Variants in PLCD4 observed in about 807,000 individuals in gnomAD.
The protein encoded by PLCD4 is 1-phosphatidylinositol 4,5-bisphosphate phosphodiesterase delta-4.
In PLCD4, 63 loss-of-function variants were observed where a neutral mutation model predicts 90.2. The ratio of observed to expected loss-of-function variants is 0.70; its 90% CI spans 0.57 to 0.86. The LOEUF is 0.86. Ranked by LOEUF, PLCD4 falls within the 40% of genes least tolerant of loss-of-function variation. The probability of loss-of-function intolerance (pLI) is 0.00; values close to 1 mark genes in which losing one functional copy is unlikely to be tolerated. For synonymous variants in PLCD4, 294 were observed against 356.5 expected (o/e 0.82, Z 1.97); for missense variants, 830 against 956.3 (o/e 0.87, Z 1.74).
At chr2:218,629,436 T>G in intron 7 of PLCD4, 83 bp from the exon 8 acceptor site, 1 of 1,505,662 alleles carries the variant, frequency 6.6e-7, no homozygotes, top group Non-Finnish European at 9.0e-7. Context: ...TGAGCACTGT[T>G]CTCTCCAGAG....
chr2:218,629,029 A>G (rs553503121), intron 7 of PLCD4: 1 of 155,746 alleles, frequency 6.4e-6, no homozygotes, highest in Admixed American at 6.2e-5. Flanking sequence ...CAGGCTGGGC[A>G]ACATAGTGAG....
Position 218,636,535 on chromosome 2 carries a change from G to A in PLCD4, c.2247G>A (p.Val749=). The change falls in exon 16 of 16, where the codon GTG becomes GTA. Residue 749 remains valine (V), a synonymous_variant. Coordinates refer to ENST00000450993, the MANE Select transcript of PLCD4 (RefSeq NM_032726.4). ...GCCTCCGCCCAGCTTCCATCTTTGTGTATATCTGCATCCAGGAAGGCCTGG... is the reference window on the plus strand; with the variant it reads ...GCCTCCGCCCAGCTTCCATCTTTGTATATATCTGCATCCAGGAAGGCCTGG... ...GISLRPASIF[V]YICIQEGLEG... is the part of the protein sequence containing the mutation. The A allele has an allele frequency of 1.2e-6, 2 of 1,613,964 alleles. No individual in the cohort carries two copies. The highest frequency in any genetic ancestry group is 2.2e-5 in the South Asian group (2 of 91,086).
In PLCD4 at chr2:218,628,073, C is replaced by T; in HGVS notation, c.817C>T (p.Leu273Phe). Residue 273 changes from leucine (L) to phenylalanine (F), a missense_variant, in exon 7 of 16, where the codon CTC becomes TTC. By Grantham distance (22) the Leu-to-Phe change is conservative. Transcript: ENST00000450993. Reference sequence around the variant, plus strand: ...GAGTATGGATGGCTTCCTCAGCTACCTCTGCTCTAAGGATGGAGACATCTT... The same window carrying T: ...GAGTATGGATGGCTTCCTCAGCTACTTCTGCTCTAAGGATGGAGACATCTT... ...VLSMDGFLSY[L>F]CSKDGDIFNP... is the part of the protein sequence containing the mutation. The T allele has an allele frequency of 6.2e-7, 1 of 1,614,000 alleles. No homozygotes were observed. Among genetic ancestry groups the T allele is most frequent in the Non-Finnish European group, 8.5e-7 (1 of 1,179,882 alleles).
rs201208060 is a variant in PLCD4, at chr2:218,635,870, G to A, written c.1971G>A (p.Val657=). 6.8e-5 allele frequency: 109 copies of A among 1,614,002 alleles called. 2 individuals carry two copies. The East Asian group carries it at 1.1e-3, about 16-fold the overall frequency. The change falls in exon 14 of 16, where the codon GTG becomes GTA. Residue 657 remains valine, a synonymous_variant. Coordinates refer to ENST00000450993, the MANE Select transcript of PLCD4 (RefSeq NM_032726.4). ...CCATTGTGGATCCACTGGTGAAAGT[G>A]CAGATCTTTGGCGTTCGTCTAGACA... is the stretch of plus-strand genomic sequence containing the variant. The part of the protein sequence containing the change: ...EGSIVDPLVK[V]QIFGVRLDTA...
intron 1 of PLCD4, among the ~76,000 whole-genome samples, chr2:218,612,783 A>C (rs963207170): frequency 1.3e-5 from 2 of 152,118 alleles, no homozygotes; most frequent in African/African-American, 2.4e-5. Flanking sequence ...AAACAAAAAA[A>C]AAGAAAGTCT....
At position 218,634,294 on chromosome 2, in the gene PLCD4, T is replaced by C; in HGVS notation, c.1723+73T>C. 6.4e-7 allele frequency: 1 copy of C among 1,573,294 alleles called. No individual in the cohort carries two copies. Among genetic ancestry groups the C allele is most frequent in the Non-Finnish European group, 8.6e-7 (1 of 1,159,532 alleles). ...TGGGAAATAAGTTCTCTAGTGATGG[T>C]AGGGTTGGGGAATGCTCAAGAAAAT... On this transcript the variant is annotated intron_variant, in intron 12 of 15. Coordinates refer to ENST00000450993, the MANE Select transcript of PLCD4 (RefSeq NM_032726.4). The surrounding 1 kb of genome is among the most constrained non-coding windows in gnomAD (Gnocchi z 4.0).
At chr2:218,608,536 T>G (rs565307233) in intron 1 of PLCD4, among the ~76,000 whole-genome samples, 2 of 152,246 alleles carry the variant, frequency 1.3e-5, no homozygotes, top group South Asian at 2.1e-4. Context: ...CTTTGCCTAT[T>G]CCATGGGCCA....
At chr2:218,626,467 C>T (rs186467693) in intron 6 of PLCD4, among the ~76,000 whole-genome samples, 1 of 152,272 alleles carries the variant, frequency 6.6e-6, no homozygotes, top group Non-Finnish European at 1.5e-5. Flanking sequence ...GGCCTGGGTT[C>T]AAATCCCAGC....
rs373871812 is a variant in PLCD4, at chr2:218,634,444, C to T, written c.1724-14C>T. The T allele has an allele frequency of 5.2e-5, 84 of 1,607,646 alleles. No homozygotes were observed. The highest frequency in any genetic ancestry group is 6.9e-5 in the Non-Finnish European group (81 of 1,177,080). On this transcript the variant is annotated splice_polypyrimidine_tract_variant and intron_variant, in intron 12 of 15. Coordinates refer to ENST00000450993, the MANE Select transcript of PLCD4 (RefSeq NM_032726.4). The surrounding 1 kb of genome is among the most constrained non-coding windows in gnomAD (Gnocchi z 4.0). ...ATGGTGAATCTTGCTCTTCTTTTCT[C>T]CTGGGGCCCTCAGTGGCCATGAATA...
intron 13 of PLCD4, among the ~76,000 whole-genome samples, chr2:218,635,161 A>C (rs1410057767): frequency 1.3e-5 from 2 of 152,036 alleles, no homozygotes; most frequent in East Asian, 3.9e-4. Context: ...CTGGCTACTC[A>C]GGAGGCTAAG....
intron 3 of PLCD4, among the ~76,000 whole-genome samples, chr2:218,616,927 TAG>T (rs71266346): frequency 2.3e-3 from 31 of 13,720 alleles, no homozygotes; most frequent in African/African-American, 4.3e-3. Flanking sequence ...TATATATATA[TAG>T]AGAGAGAGAG....
At chr2:218,624,905 G>A (rs1269630828) in intron 6 of PLCD4, among the ~76,000 whole-genome samples, 2 of 151,862 alleles carry the variant, frequency 1.3e-5, no homozygotes, top group African/African-American at 4.8e-5. Flanking sequence ...GAGGTCAGGA[G>A]TTTGAGAACA....
intron 1 of PLCD4, among the ~76,000 whole-genome samples, chr2:218,610,628 A>G (rs1353897525): frequency 6.6e-6 from 1 of 152,192 alleles, no homozygotes; most frequent in Non-Finnish European, 1.5e-5. Flanking sequence ...TCCCTTATTG[A>G]TTCCTAGCCT....
chr2:218,630,721 T>C lies in PLCD4; in HGVS notation c.1191T>C (p.Arg397=). Residue 397 remains arginine (R), a synonymous_variant, in exon 9 of 16, where the codon CGT becomes CGC. Coordinates refer to ENST00000450993, the MANE Select transcript of PLCD4 (RefSeq NM_032726.4). The part of the protein sequence containing the change: ...CSWEQQQTMA[R]HLTEILGEQL... ...GGGAGCAGCAGCAGACCATGGCCCG[T>C]CATCTGACTGAGATCCTGGGGGAGC... 6.2e-7 allele frequency: 1 copy of C among 1,613,974 alleles called. No homozygotes were observed.
At position 218,615,900 on chromosome 2, in the gene PLCD4, C is replaced by T. The variant is rs761868167; in HGVS notation, c.23-4C>T. On this transcript the variant is annotated splice_region_variant and splice_polypyrimidine_tract_variant and intron_variant, in intron 2 of 15. Transcript: ENST00000450993. Reference sequence around the variant, plus strand: ...CTACCTAACCCCTGCTTTTCCTGACCTAGAGCTGACCACTGATCAGGACTT... The same window carrying T: ...CTACCTAACCCCTGCTTTTCCTGACTTAGAGCTGACCACTGATCAGGACTT... 8 of 1,613,992 alleles carry T rather than the reference C, an allele frequency of 5.0e-6. No homozygotes were observed. The highest frequency in any genetic ancestry group is 1.1e-5 in the South Asian group (1 of 91,082).
At position 218,634,855 on chromosome 2, in the gene PLCD4, T is replaced by C. The variant is rs766495228; in HGVS notation, c.1896+225T>C. On this transcript the variant is annotated intron_variant, in intron 13 of 15. Transcript: ENST00000450993. This position sits in a 1 kb window ranked among gnomAD's most constrained non-coding sequence, Gnocchi z 4.0. ...TACCTCAGTCTGCTCACCTGCAAAA[T>C]AGGGGTAACACTACCACCTGCCTCA... 3.3e-5 allele frequency among the ~76,000 whole-genome samples: 5 copies of C among 152,104 alleles called. No homozygotes were observed. The highest frequency in any genetic ancestry group is 6.6e-5 in the Admixed American group (1 of 15,246).
intron 3 of PLCD4, among the ~76,000 whole-genome samples, chr2:218,618,118 A>C (rs1016907573): frequency 1.4e-5 from 2 of 148,074 alleles, no homozygotes; most frequent in African/African-American, 2.4e-5. Flanking sequence ...ACAAACAAAC[A>C]AACCTGGAAT....
chr2:218,615,724 G>C lies in PLCD4; in HGVS notation c.-16G>C. 1 of 1,601,526 alleles carries C rather than the reference G, an allele frequency of 6.2e-7. No individual in the cohort carries two copies. Among genetic ancestry groups the C allele is most frequent in the Non-Finnish European group, 8.5e-7 (1 of 1,174,324 alleles). On this transcript the variant is annotated 5_prime_UTR_variant, in exon 2 of 16. Transcript: ENST00000450993. ...TCCTTTAGGTGATCTGGTGCCAGCTGGTGGAACAGTGGGTGATGGCGTCCC... is the reference window on the plus strand; with the variant it reads ...TCCTTTAGGTGATCTGGTGCCAGCTCGTGGAACAGTGGGTGATGGCGTCCC...
intron 6 of PLCD4, among the ~76,000 whole-genome samples, 179 bp downstream of exon 6, chr2:218,623,057 C>G (rs1263051112): frequency 6.6e-6 from 1 of 152,226 alleles, no homozygotes; most frequent in Non-Finnish European, 1.5e-5. Context: ...ATTTCCTGTT[C>G]AGACAAGACA....
Sources: gnomAD v4.1 joint callset for allele counts (sites outside exome capture counted in the v4.1 genomes callset) on GRCh38, gnomAD v4.1.1 for gene constraint, Gnocchi (gnomAD v3.1) non-coding constraint, MANE v1.5 for transcripts, NCBI Gene and HGNC (gene_info 2026-07-23, HGNC 2026-07-21) for gene names.